SLC12A7: variants seen among roughly 807,000 people sequenced by gnomAD.
SLC12A7 encodes the protein solute carrier family 12 member 7, also known as K-Cl cotransporter 4.
In SLC12A7, 100 loss-of-function variants were observed where a neutral mutation model predicts 120.6. The observed-to-expected ratio is 0.83, with a 90% CI of 0.71 to 0.98. The LOEUF (loss-of-function observed/expected upper bound fraction) is 0.98. Ranked by LOEUF, SLC12A7 falls within the 50% of genes least tolerant of loss-of-function variation. The probability of loss-of-function intolerance (pLI) is 0.00; values close to 1 mark genes in which losing one functional copy is unlikely to be tolerated. For missense variants in SLC12A7, 1,373 were observed against 1,548.1 expected (o/e 0.89, Z 1.90); for synonymous variants, 760 against 678.0 (o/e 1.12, Z -1.88).
At chr5:1,129,081 T>G in the SLC12A7 span, among the ~76,000 whole-genome samples, 4 of 152,174 alleles carry the variant, frequency 2.6e-5, no homozygotes, top group Non-Finnish European at 5.9e-5. Flanking sequence ...GGATCCCAAG[T>G]CTGATGGCCT....
chr5:1,084,379 C>T (rs993670446), intron 7 of SLC12A7, among the ~76,000 whole-genome samples: 6 of 152,212 alleles, frequency 3.9e-5, no homozygotes, highest in Non-Finnish European at 7.4e-5. Flanking sequence ...AGCACAGCCA[C>T]GCTGCAGCCG....
intron 3 of SLC12A7, among the ~76,000 whole-genome samples, chr5:1,089,718 C>T (rs1009844869): frequency 7.9e-5 from 12 of 152,230 alleles, no homozygotes; most frequent in African/African-American, 2.9e-4. Flanking sequence ...CAGCACGGAG[C>T]AGGCAGCCTG....
chr5:1,083,658 G>C (rs1217654941), intron 8 of SLC12A7, 87 bp downstream of exon 8: 8 of 1,382,348 alleles, frequency 5.8e-6, no homozygotes, highest in South Asian at 1.2e-5. Flanking sequence ...GGCCCTGAGA[G>C]TGACTCTAAG....
the SLC12A7 span, among the ~76,000 whole-genome samples, chr5:1,155,691 C>T: frequency 1.3e-5 from 2 of 151,080 alleles, no homozygotes; most frequent in Non-Finnish European, 3.0e-5. Flanking sequence ...GCCGGGCTCG[C>T]GGCAGTAGAG....
In SLC12A7 at chr5:1,081,641, G is replaced by A. The variant is rs766235559; in HGVS notation, c.1233C>T (p.Tyr411=). ...AGGAGGCCGCGATGTCGGTGAGCAC[G>A]TAGGGCAGTGCGCTGGCACGGCTCT... The part of the protein sequence containing the change: ...AEESRASALP[Y]VLTDIAASFT... Residue 411 remains tyrosine (Y), a synonymous_variant, in exon 9 of 24, where the codon TAC becomes TAT. Transcript: ENST00000264930. 51 of 1,613,020 alleles carry A rather than the reference G, an allele frequency of 3.2e-5. No individual in the cohort carries two copies. Among genetic ancestry groups the A allele is most frequent in the Non-Finnish European group, 3.6e-5 (43 of 1,179,924 alleles).
Position 1,081,625 on chromosome 5 carries a change from C to A in SLC12A7, c.1249G>T (p.Ala417Ser). The change falls in exon 9 of 24, where the codon GCG becomes TCG. Residue 417 changes from alanine to serine, a missense_variant. Coordinates refer to ENST00000264930, the MANE Select transcript of SLC12A7 (RefSeq NM_006598.3). ...SALPYVLTDIAASFTLLVGIY... is the reference protein window; with the variant it reads ...SALPYVLTDISASFTLLVGIY... Reference sequence around the variant, plus strand: ...CCAACCAGCAGGGTGAAGGAGGCCGCGATGTCGGTGAGCACGTAGGGCAGT... The same window carrying A: ...CCAACCAGCAGGGTGAAGGAGGCCGAGATGTCGGTGAGCACGTAGGGCAGT... The A allele has an allele frequency of 6.2e-7, 1 of 1,611,242 alleles. No individual in the cohort carries two copies. The highest frequency in any genetic ancestry group is 8.5e-7 in the Non-Finnish European group (1 of 1,178,284).
In SLC12A7 at chr5:1,064,063, G is replaced by A. The variant is rs761054117; in HGVS notation, c.2607+20C>T. The A allele has an allele frequency of 6.2e-7, 1 of 1,601,402 alleles. No individual in the cohort carries two copies. The highest frequency in any genetic ancestry group is 2.2e-5 in the East Asian group (1 of 44,550). ...GGGGTGGCCGTGCTCCGGCTGGCGT[G>A]TCCCCGTCGCACGCCCCACCTTGTG... On this transcript the variant is annotated intron_variant, in intron 19 of 23. Transcript: ENST00000264930.
rs771753317 is a variant in SLC12A7, at chr5:1,085,438, C to T, written c.711G>A (p.Ala237=). 2.4e-5 allele frequency: 39 copies of T among 1,609,474 alleles called. No individual in the cohort carries two copies. The highest frequency in any genetic ancestry group is 3.3e-5 in the South Asian group (3 of 90,490). The change falls in exon 7 of 24, where the codon GCG becomes GCA. Residue 237 remains alanine (A), a synonymous_variant. Transcript: ENST00000264930. ...CGGCCGCCTCGCCACCTGCAGCCTCCGCCTGGAAGATGGCCGCACCCGGGG... is the reference window on the plus strand; with the variant it reads ...CGGCCGCCTCGCCACCTGCAGCCTCTGCCTGGAAGATGGCCGCACCCGGGG... ...YISPGAAIFQ[A]EAAGGEAAAM...
intron 23 of SLC12A7, 138 bp from the exon 24 acceptor site, chr5:1,052,589 G>A (rs1735162627): frequency 1.4e-6 from 1 of 713,896 alleles, no homozygotes; most frequent in Non-Finnish European, 2.4e-6. Context: ...GAAAAGAGAG[G>A]TGGGGATTAG....
chr5:1,092,835 C>T (rs1029713810), intron 3 of SLC12A7, among the ~76,000 whole-genome samples: 1 of 152,106 alleles, frequency 6.6e-6, no homozygotes, highest in Non-Finnish European at 1.5e-5. Flanking sequence ...CGCCGCACCC[C>T]CACAGCGAGG....
rs1743058775 is a variant in SLC12A7, at chr5:1,112,017, T to G, written c.-26A>C. 1.5e-5 allele frequency: 19 copies of G among 1,252,082 alleles called. No homozygotes were observed. Among genetic ancestry groups the G allele is most frequent in the East Asian group, 1.2e-4 (4 of 32,170 alleles). The allele number at this position is 1,252,082 out of a possible 1,614,324, so 77.6% of individuals were successfully genotyped here. ...GGCCGCCTGCAGCCGACAGTCCCCG[T>G]CCCGGCCCGGCCCGCGCTGCGCCGC... is the stretch of plus-strand genomic sequence containing the variant. On this transcript the variant is annotated 5_prime_UTR_variant, in exon 1 of 24. Coordinates refer to ENST00000264930, the MANE Select transcript of SLC12A7 (RefSeq NM_006598.3).
chr5:1,065,100 G>A (rs1405433594), intron 18 of SLC12A7, among the ~76,000 whole-genome samples, 183 bp downstream of exon 18: 9 of 146,970 alleles, frequency 6.1e-5, no homozygotes, highest in Non-Finnish European at 1.1e-4. Context: ...AGACACACAG[G>A]GGACAGTGAG....
the SLC12A7 span, among the ~76,000 whole-genome samples, chr5:1,146,746 C>T: frequency 6.6e-6 from 1 of 152,220 alleles, no homozygotes; most frequent in South Asian, 2.1e-4. This position sits in a 1 kb window ranked among gnomAD's most constrained non-coding sequence, Gnocchi z 6.5. Flanking sequence ...CCTTGGCCTC[C>T]ACAGCCCCTT....
chr5:1,111,983 G>A lies in SLC12A7; in HGVS notation c.9C>T (p.Thr3=). The A allele has an allele frequency of 7.8e-7, 1 of 1,282,696 alleles. No individual in the cohort carries two copies. Among genetic ancestry groups the A allele is most frequent in the Non-Finnish European group, 9.8e-7 (1 of 1,015,380 alleles). The allele number at this position is 1,282,696 out of a possible 1,614,324, so 79.5% of individuals were successfully genotyped here. The change falls in exon 1 of 24, where the codon ACC becomes ACT. Residue 3 remains threonine, a synonymous_variant. Coordinates refer to ENST00000264930, the MANE Select transcript of SLC12A7 (RefSeq NM_006598.3). ...CCTCCACGGGCACCACGGTGAAGTT[G>A]GTGGGCATGGCCGCCTGCAGCCGAC... MP[T]NFTVVPVEAH...
intron 1 of SLC12A7, among the ~76,000 whole-genome samples, chr5:1,107,715 T>C (rs1055195071): frequency 6.6e-6 from 1 of 152,146 alleles, no homozygotes; most frequent in African/African-American, 2.4e-5. Flanking sequence ...GGGGATCTGG[T>C]GTCCAACGCT....
At chr5:1,095,072 C>CGG (rs1561095091) in intron 1 of SLC12A7, among the ~76,000 whole-genome samples, 1 of 127,596 alleles carries the variant, frequency 7.8e-6, no homozygotes, top group Non-Finnish European at 1.8e-5. Context: ...GAGGTGGGGC[C>CGG]CGTAGGAGGT....
chr5:1,084,018 C>T (rs889370873), intron 7 of SLC12A7, 62 bp from the exon 8 acceptor site: 5 of 1,447,922 alleles, frequency 3.5e-6, no homozygotes, highest in Admixed American at 3.6e-5. Context: ...ACTGCCCCAC[C>T]CAGCTCCCCC....
At chr5:1,151,233 C>A in the SLC12A7 span, among the ~76,000 whole-genome samples, 17 of 152,366 alleles carry the variant, frequency 1.1e-4, no homozygotes, top group Admixed American at 5.2e-4. This position sits in a 1 kb window ranked among gnomAD's most constrained non-coding sequence, Gnocchi z 6.2. Context: ...GCTCAGGCAA[C>A]GAACTCTTCA....
intron 17 of SLC12A7, among the ~76,000 whole-genome samples, chr5:1,066,808 C>T (rs572233910): frequency 6.8e-4 from 103 of 152,188 alleles, no homozygotes; most frequent in Admixed American, 2.2e-3. Flanking sequence ...AGGATCCTCC[C>T]GGGAGACTCT....
Sources: gnomAD v4.1 joint callset for allele counts (sites outside exome capture counted in the v4.1 genomes callset) on GRCh38, gnomAD v4.1.1 for gene constraint, Gnocchi (gnomAD v3.1) non-coding constraint, MANE v1.5 for transcripts, NCBI Gene and HGNC (gene_info 2026-07-23, HGNC 2026-07-21) for gene names.